PVT1: variants seen among roughly 807,000 people sequenced by gnomAD.
PVT1 encodes the protein CXCR4/PVT1 fusion.
chr8:127,888,490 C>T (rs551364442), intron 2 of PVT1, among the ~76,000 whole-genome samples: 14 of 152,268 alleles, frequency 9.2e-5, no homozygotes, highest in African/African-American at 3.4e-4. Flanking sequence ...CTAGAACCTG[C>T]GAATATGTTG....
At chr8:127,800,437 G>A (rs1463687268) in intron 2 of PVT1, among the ~76,000 whole-genome samples, 1 of 152,160 alleles carries the variant, frequency 6.6e-6, no homozygotes, top group Non-Finnish European at 1.5e-5. Context: ...GGCAGTGCAG[G>A]CAAAAGCTAA....
intron 6 of PVT1, among the ~76,000 whole-genome samples, chr8:128,100,349 T>C (rs1005238577): frequency 2.0e-5 from 3 of 152,126 alleles, no homozygotes; most frequent in Non-Finnish European, 4.4e-5. Context: ...GATCGATGCA[T>C]CCAGTGTGGG....
In PVT1 at chr8:127,910,169, T is replaced by C. The variant is rs75912053; in HGVS notation, n.782+19171T>C. 3.2e-4 allele frequency among the ~76,000 whole-genome samples: 48 copies of C among 152,236 alleles called. No homozygotes were observed. In the South Asian group the frequency reaches 9.8e-3, roughly 31 times the overall value. ...CAATTAGCGGGGTGCCTAAGCAGTG[T>C]CCATCATGGACGTGGGTCTCTGCTG... On this transcript the variant is annotated intron_variant and non_coding_transcript_variant, in intron 3 of 10. Coordinates refer to ENST00000651587, the Ensembl canonical transcript of PVT1.
chr8:128,022,453 C>T (rs1337348447), intron 4 of PVT1, among the ~76,000 whole-genome samples: 1 of 152,158 alleles, frequency 6.6e-6, no homozygotes, highest in Non-Finnish European at 1.5e-5. Context: ...CTTCTGTTGG[C>T]CAGAGCTTGT....
chr8:128,021,194 T>G (rs1041899326), intron 4 of PVT1, among the ~76,000 whole-genome samples: 1 of 151,918 alleles, frequency 6.6e-6, no homozygotes, highest in African/African-American at 2.4e-5. Flanking sequence ...GCTTCCTGTT[T>G]CTACTGAATC....
chr8:127,973,891 A>G (rs1056736536), intron 3 of PVT1, among the ~76,000 whole-genome samples: 1 of 151,736 alleles, frequency 6.6e-6, no homozygotes, highest in African/African-American at 2.4e-5. Flanking sequence ...GAGGCAGGAG[A>G]ATGGCGTGAA....
chr8:127,997,584 C>T (rs1817121860), intron 4 of PVT1, among the ~76,000 whole-genome samples: 1 of 152,160 alleles, frequency 6.6e-6, no homozygotes, highest in South Asian at 2.1e-4. Context: ...CACCCTTGTG[C>T]ACATCCTCCA....
chr8:127,946,215 T>G (rs994667570), intron 3 of PVT1, among the ~76,000 whole-genome samples: 1 of 152,218 alleles, frequency 6.6e-6, no homozygotes, highest in African/African-American at 2.4e-5. Context: ...GTTATTATCA[T>G]GCACAAGCCA....
In PVT1 at chr8:127,984,994, T is replaced by TTCCTTCCTTCC. The variant is rs1563657746; in HGVS notation, n.783-4167_783-4166insCCTTCCTTCCT. ...TCCTTCCTTCCTTTCTTTCTTTCTC[T>TTCCTTCCTTCC]TTCCTTCCTTCCTTCCTTCCTTCCT... On this transcript the variant is annotated intron_variant and non_coding_transcript_variant, in intron 3 of 10. Transcript: ENST00000651587. Among the ~76,000 whole-genome samples, 161 of 67,130 alleles carry TTCCTTCCTTCC rather than the reference T, an allele frequency of 2.4e-3. 11 individuals carry two copies. The highest frequency in any genetic ancestry group is 0.018 in the South Asian group (36 of 1,982). 44.0% of individuals were successfully genotyped at this position (67,130 alleles called of 152,430 possible). A position where few individuals can be genotyped will look rare whatever the true frequency, so the allele number is the denominator to read the frequency against.
intron 3 of PVT1, among the ~76,000 whole-genome samples, chr8:127,901,908 AC>A (rs1179938036): frequency 1.2e-5 from 1 of 86,804 alleles, no homozygotes; most frequent in African/African-American, 6.6e-5. Flanking sequence ...GGCCAAGGGT[AC>A]TTTTTTTTTT....
chr8:127,825,752 T>TA (rs1814780549), intron 2 of PVT1, among the ~76,000 whole-genome samples: 1 of 152,194 alleles, frequency 6.6e-6, no homozygotes, highest in South Asian at 2.1e-4. Flanking sequence ...GCTCAGTACA[T>TA]ACCTTCTTCA....
At position 127,888,731 on chromosome 8, in the gene PVT1, G is replaced by A. The variant is rs182551085; in HGVS notation, n.373-1858G>A. ...AGCCACAGCCAAGGCCTATGAAGCA[G>A]CCTTTAGAAGCTTGGAAAAGCAAGG... On this transcript the variant is annotated intron_variant and non_coding_transcript_variant, in intron 2 of 10. Transcript: ENST00000651587. Among the ~76,000 whole-genome samples, 4 of 152,308 alleles carry A rather than the reference G, an allele frequency of 2.6e-5. No homozygotes were observed. The East Asian group carries it at 7.7e-4, about 29-fold the overall frequency.
At chr8:127,883,250 A>G (rs550803451) in intron 2 of PVT1, among the ~76,000 whole-genome samples, 1 of 152,162 alleles carries the variant, frequency 6.6e-6, no homozygotes, top group Admixed American at 6.5e-5. Context: ...TCTGTACCTC[A>G]TACCCCATTT....
At chr8:127,907,085 C>T (rs151070746) in intron 3 of PVT1, among the ~76,000 whole-genome samples, 35 of 152,178 alleles carry the variant, frequency 2.3e-4, no homozygotes, top group Non-Finnish European at 4.6e-4. Context: ...CTCAGCCTCC[C>T]GAGTAGCTGG....
chr8:128,098,511 A>T (rs1022091696), intron 6 of PVT1, among the ~76,000 whole-genome samples: 1 of 152,100 alleles, frequency 6.6e-6, no homozygotes, highest in Non-Finnish European at 1.5e-5. Flanking sequence ...GGCCCTGGGG[A>T]TGGAGATTAG....
intron 5 of PVT1, among the ~76,000 whole-genome samples, chr8:128,096,274 A>G (rs1814427791): frequency 6.6e-6 from 1 of 152,204 alleles, no homozygotes; most frequent in Non-Finnish European, 1.5e-5. Context: ...GTAAAATGGC[A>G]ATGTTCACTA....
chr8:127,822,380 C>T (rs2129682608), intron 2 of PVT1, among the ~76,000 whole-genome samples: 1 of 152,306 alleles, frequency 6.6e-6, no homozygotes, highest in East Asian at 1.9e-4. Context: ...AGTTCTTGAC[C>T]AGCCTGGCCA....
At chr8:127,841,595 A>G (rs1166032153) in intron 2 of PVT1, among the ~76,000 whole-genome samples, 1 of 152,184 alleles carries the variant, frequency 6.6e-6, no homozygotes, top group African/African-American at 2.4e-5. Context: ...GAAATTAGAC[A>G]GCAAGAGGCT....
At chr8:127,907,222 G>A (rs1419757240) in intron 3 of PVT1, among the ~76,000 whole-genome samples, 1 of 152,030 alleles carries the variant, frequency 6.6e-6, no homozygotes, top group African/African-American at 2.4e-5. Flanking sequence ...GCCAGCCTCG[G>A]CCTCCCAAAG....
Sources: allele counts gnomAD v4.1 joint callset (sites outside exome capture counted in the v4.1 genomes callset), GRCh38; gene constraint gnomAD v4.1.1; transcripts MANE v1.5; gene names NCBI Gene and HGNC (gene_info 2026-07-23, HGNC 2026-07-21).